Variants in CAMK2B observed in about 807,000 individuals in gnomAD.
CAMK2B encodes the protein calcium/calmodulin dependent protein kinase II beta.
A neutral mutation model predicts 93.7 loss-of-function variants in CAMK2B; 27 were observed. The observed-to-expected ratio is 0.29, with a 90% CI of 0.21 to 0.40. CAMK2B has a LOEUF of 0.40. CAMK2B is among the 10% of genes least tolerant of loss of function. CAMK2B has a pLI of 1.00. For synonymous variants in CAMK2B, 374 were observed against 358.8 expected (o/e 1.04, Z -0.48); for missense variants, 568 against 895.8 (o/e 0.63, Z 4.67).
chr7:44,230,398 A>T (rs1303154246), intron 17 of CAMK2B: 1 of 152,946 alleles, frequency 6.5e-6, no homozygotes, highest in Non-Finnish European at 1.5e-5. Flanking sequence ...GTGAGCGATG[A>T]GGGTCAGGAG....
At chr7:44,269,753 C>T (rs1442446689) in intron 2 of CAMK2B, among the ~76,000 whole-genome samples, 1 of 152,110 alleles carries the variant, frequency 6.6e-6, no homozygotes, top group South Asian at 2.1e-4. Context: ...CTGCCTCCCC[C>T]TCTCGCCCAA....
intron 13 of CAMK2B, among the ~76,000 whole-genome samples, chr7:44,237,569 G>A (rs1240016338): frequency 6.6e-6 from 1 of 152,218 alleles, no homozygotes; most frequent in Non-Finnish European, 1.5e-5. Context: ...GCCCTCCTGA[G>A]TGCATGGCTC....
chr7:44,232,953 G>A, intron 15 of CAMK2B, 87 bp from the exon 16 acceptor site: 3 of 1,211,100 alleles, frequency 2.5e-6, no homozygotes, highest in Non-Finnish European at 3.6e-6. Flanking sequence ...GGAACAGGGA[G>A]ACAGAGGAGG....
Position 44,318,682 on chromosome 7 carries a change from G to A in CAMK2B, c.65+6675C>T, listed in dbSNP as rs150608963. Among the ~76,000 whole-genome samples the A allele has an allele frequency of 8.5e-5, 13 of 152,342 alleles. No individual in the cohort carries two copies. In the East Asian group the frequency reaches 2.1e-3, roughly 25 times the overall value. On this transcript the variant is annotated intron_variant, in intron 1 of 23. Coordinates refer to ENST00000395749, the MANE Select transcript of CAMK2B (RefSeq NM_001220.5). ...AGGCTTCTCTTGCTGCTCACAAAGT[G>A]AGGAAACAAGGACTGTGGGTCCCAA...
intron 4 of CAMK2B, among the ~76,000 whole-genome samples, chr7:44,256,408 T>C (rs1212010205): frequency 6.6e-6 from 1 of 152,146 alleles, no homozygotes; most frequent in Non-Finnish European, 1.5e-5. Context: ...CTCATGTTCA[T>C]GTATATTGTT....
At chr7:44,219,749 C>T (rs1024831294) in intron 23 of CAMK2B, 6 of 446,870 alleles carry the variant, frequency 1.3e-5, no homozygotes, top group African/African-American at 8.0e-5. Flanking sequence ...CTCTAACAGT[C>T]CTCACAAACA....
chr7:44,319,032 A>G (rs1795440451), intron 1 of CAMK2B, among the ~76,000 whole-genome samples: 1 of 152,256 alleles, frequency 6.6e-6, no homozygotes, highest in Non-Finnish European at 1.5e-5. Context: ...TAAAATATAC[A>G]TATCTGTGTA....
chr7:44,258,732 G>T, intron 4 of CAMK2B, 140 bp downstream of exon 4: 1 of 730,432 alleles, frequency 1.4e-6, no homozygotes, highest in Admixed American at 2.1e-5. Context: ...TGGAGCAAGG[G>T]GACCAGCAGC....
chr7:44,235,670 C>T (rs190161650), intron 13 of CAMK2B, among the ~76,000 whole-genome samples: 53 of 152,304 alleles, frequency 3.5e-4, no homozygotes, highest in African/African-American at 1.2e-3. Flanking sequence ...TCCTGGACCA[C>T]GCTCACCAAA....
In CAMK2B at chr7:44,286,640, G is replaced by A. The variant is rs1785211233; in HGVS notation, c.66-2415C>T. On this transcript the variant is annotated intron_variant, in intron 1 of 23. Coordinates refer to ENST00000395749, the MANE Select transcript of CAMK2B (RefSeq NM_001220.5). This position sits in a 1 kb window ranked among gnomAD's most constrained non-coding sequence, Gnocchi z 4.0. ...CTGACCGCAGGTGGGTGGGACAAGG[G>A]CTTCCTCCAGTTGATCCCTCTCCCC... 1.3e-5 allele frequency among the ~76,000 whole-genome samples: 2 copies of A among 152,332 alleles called. No individual in the cohort carries two copies. The highest frequency in any genetic ancestry group is 3.9e-4 in the East Asian group (2 of 5,180).
chr7:44,268,705 G>T (rs1306539969), intron 2 of CAMK2B: 1 of 152,296 alleles, frequency 6.6e-6, no homozygotes, highest in Middle Eastern at 3.1e-3. Flanking sequence ...TGGGGTAGGG[G>T]AGTGGGGGCT....
intron 14 of CAMK2B, 80 bp from the exon 15 acceptor site, chr7:44,234,541 T>C: frequency 6.3e-7 from 1 of 1,585,202 alleles, no homozygotes; most frequent in South Asian, 1.1e-5. Context: ...TCTCAGGGCA[T>C]GGGGGGAGGG....
intron 19 of CAMK2B, 102 bp downstream of exon 19, chr7:44,228,694 G>T: frequency 1.7e-6 from 2 of 1,148,510 alleles, no homozygotes; most frequent in Admixed American, 3.4e-5. Context: ...CGCCGGGGCA[G>T]GGTAGCTGGG....
intron 2 of CAMK2B, among the ~76,000 whole-genome samples, chr7:44,279,407 G>A (rs2097083353): frequency 6.6e-6 from 1 of 152,264 alleles, no homozygotes; most frequent in Non-Finnish European, 1.5e-5. Flanking sequence ...TACAACTCGA[G>A]GCAAAGCAGA....
chr7:44,238,364 G>A (rs1360979752), intron 13 of CAMK2B, among the ~76,000 whole-genome samples: 1 of 152,212 alleles, frequency 6.6e-6, no homozygotes, highest in African/African-American at 2.4e-5. Context: ...CAGCGTAGAG[G>A]CAGCTGTCTC....
At chr7:44,315,181 A>C (rs1794570045) in intron 1 of CAMK2B, among the ~76,000 whole-genome samples, 1 of 152,210 alleles carries the variant, frequency 6.6e-6, no homozygotes, top group Non-Finnish European at 1.5e-5. Flanking sequence ...ATTTACTCTT[A>C]TGTTTTCTTC....
chr7:44,320,787 C>T (rs975698077), intron 1 of CAMK2B, among the ~76,000 whole-genome samples: 6 of 152,212 alleles, frequency 3.9e-5, no homozygotes, highest in African/African-American at 1.4e-4. Context: ...CTCCTGGGAG[C>T]CAGGCCGGAA....
intron 1 of CAMK2B, 45 bp downstream of exon 1, chr7:44,325,312 C>A: frequency 8.9e-7 from 1 of 1,127,518 alleles, no homozygotes; most frequent in Non-Finnish European, 1.1e-6. Flanking sequence ...GAGGTCCCGG[C>A]CCTCTGGGGT....
intron 1 of CAMK2B, among the ~76,000 whole-genome samples, chr7:44,298,059 G>A (rs532677743): frequency 6.6e-6 from 1 of 152,322 alleles, no homozygotes; most frequent in Admixed American, 6.5e-5. Context: ...GGAAGGTGGA[G>A]GTTGCAGTGA....
Sources: allele counts gnomAD v4.1 joint callset (sites outside exome capture counted in the v4.1 genomes callset), GRCh38; gene constraint gnomAD v4.1.1; non-coding constraint Gnocchi (gnomAD v3.1); transcripts MANE v1.5; gene names NCBI Gene and HGNC (gene_info 2026-07-23, HGNC 2026-07-21).